The following ZSWIM6 variants were observed in gnomAD, a reference collection of about 807,000 sequenced individuals.
ZSWIM6 encodes the protein zinc finger SWIM domain-containing protein 6.
A neutral mutation model predicts 113.2 loss-of-function variants in ZSWIM6; 9 were observed. The ratio of observed to expected loss-of-function variants is 0.08; its 90% CI spans 0.05 to 0.14. The LOEUF (loss-of-function observed/expected upper bound fraction) is 0.14, where lower values mean the gene tolerates loss of function less well. Ranked by LOEUF, ZSWIM6 falls within the 10% of genes least tolerant of loss-of-function variation. The pLI, the probability that ZSWIM6 is intolerant of heterozygous loss-of-function variation, is 1.00. For synonymous variants in ZSWIM6, 611 were observed against 606.5 expected, an observed-to-expected ratio of 1.01 and a Z score of -0.11; for missense variants, 1,162 against 1,552.2, an observed-to-expected ratio of 0.75 and a Z score of 4.22.
chr5:61,461,098 AT>A (rs1747315048), intron 1 of ZSWIM6, among the ~76,000 whole-genome samples: 1 of 152,096 alleles, frequency 6.6e-6, no homozygotes, highest in Non-Finnish European at 1.5e-5. Context: ...TTTTTAAAAA[AT>A]TTCCCCCCAA....
At chr5:61,350,738 T>C (rs2112038936) in intron 1 of ZSWIM6, among the ~76,000 whole-genome samples, 1 of 152,304 alleles carries the variant, frequency 6.6e-6, no homozygotes, top group South Asian at 2.1e-4. Flanking sequence ...TTAGGAGGCG[T>C]CTTGTCTTAC....
At chr5:61,411,198 T>C (rs1746143231) in intron 1 of ZSWIM6, among the ~76,000 whole-genome samples, 1 of 152,224 alleles carries the variant, frequency 6.6e-6, no homozygotes, top group South Asian at 2.1e-4. Flanking sequence ...CCAAATTAGT[T>C]ATCAGTTCTT....
intron 1 of ZSWIM6, among the ~76,000 whole-genome samples, chr5:61,357,192 C>T (rs1744933464): frequency 6.6e-6 from 1 of 151,974 alleles, no homozygotes; most frequent in Non-Finnish European, 1.5e-5. Flanking sequence ...TCAGGGTCCA[C>T]CCAGGAAAAG....
intron 1 of ZSWIM6, among the ~76,000 whole-genome samples, chr5:61,460,512 G>A (rs552040385): frequency 6.6e-6 from 1 of 152,198 alleles, no homozygotes; most frequent in Non-Finnish European, 1.5e-5. Flanking sequence ...CATAGAACAT[G>A]GCTTCGGAAA....
chr5:61,356,231 TG>T (rs776955629), intron 1 of ZSWIM6, among the ~76,000 whole-genome samples: 1 of 152,204 alleles, frequency 6.6e-6, no homozygotes, highest in Non-Finnish European at 1.5e-5. Flanking sequence ...CCCAAATAGC[TG>T]GGACTACAGG....
chr5:61,426,028 C>T (rs1351034443), intron 1 of ZSWIM6, among the ~76,000 whole-genome samples: 1 of 152,286 alleles, frequency 6.6e-6, no homozygotes, highest in Non-Finnish European at 1.5e-5. Context: ...AAAATGCCTT[C>T]TAGAAGCAGG....
chr5:61,390,959 C>T, intron 1 of ZSWIM6: 1 of 760,930 alleles, frequency 1.3e-6, no homozygotes, highest in Non-Finnish European at 2.4e-6. Context: ...AGGTCATAGT[C>T]AGTGGAGGCA....
At chr5:61,488,812 A>G (rs1561259807) in intron 2 of ZSWIM6, among the ~76,000 whole-genome samples, 1 of 151,528 alleles carries the variant, frequency 6.6e-6, no homozygotes, top group Non-Finnish European at 1.5e-5. Flanking sequence ...TATGTCCTGG[A>G]TATCTTTCCA....
intron 4 of ZSWIM6, among the ~76,000 whole-genome samples, chr5:61,515,591 T>A (rs1748913015): frequency 6.6e-6 from 1 of 152,132 alleles, no homozygotes; most frequent in Admixed American, 6.6e-5. Flanking sequence ...AGAGCACAGC[T>A]TTCATGACCT....
intron 1 of ZSWIM6, among the ~76,000 whole-genome samples, chr5:61,337,346 C>T (rs1178546425): frequency 6.6e-6 from 1 of 152,104 alleles, no homozygotes; most frequent in Non-Finnish European, 1.5e-5. Context: ...TTTTCTTCTA[C>T]CACATTGGTG....
At chr5:61,526,216 G>C (rs1427516107) in intron 6 of ZSWIM6, 34 bp from the exon 7 acceptor site, 1 of 1,524,058 alleles carries the variant, frequency 6.6e-7, no homozygotes, top group African/African-American at 1.4e-5. Context: ...ATATCTGACA[G>C]TGGCAACTTT....
chr5:61,453,410 CTG>C (rs1161501883), intron 1 of ZSWIM6, among the ~76,000 whole-genome samples: 1 of 146,982 alleles, frequency 6.8e-6, no homozygotes, highest in African/African-American at 2.5e-5. Context: ...GGGTCTTACT[CTG>C]TCACCTAGTT....
At chr5:61,522,281 T>C (rs74533307) in intron 5 of ZSWIM6, among the ~76,000 whole-genome samples, 15,872 of 152,134 alleles carry the variant, frequency 0.1, 1,159 homozygotes, top group Admixed American at 0.19. Flanking sequence ...ATAGAAATTT[T>C]ATTAACTAAT....
chr5:61,477,220 C>T (rs995014009), intron 2 of ZSWIM6, among the ~76,000 whole-genome samples: 1 of 152,050 alleles, frequency 6.6e-6, no homozygotes, highest in African/African-American at 2.4e-5. Context: ...GGCCTTGACC[C>T]CAACCTAGAA....
intron 1 of ZSWIM6, among the ~76,000 whole-genome samples, chr5:61,369,053 G>C (rs1205569603): frequency 2.6e-5 from 4 of 152,202 alleles, no homozygotes; most frequent in African/African-American, 9.6e-5. Context: ...ATAATATTTT[G>C]TATGTGATGT....
At chr5:61,535,808 G>C (rs2112283771) in intron 10 of ZSWIM6, among the ~76,000 whole-genome samples, 189 bp downstream of exon 10, 1 of 152,324 alleles carries the variant, frequency 6.6e-6, no homozygotes, top group South Asian at 2.1e-4. Flanking sequence ...TTTAAAGTAA[G>C]GGAAGGGTTA....
intron 1 of ZSWIM6, among the ~76,000 whole-genome samples, chr5:61,407,914 G>T (rs1213853049): frequency 1.3e-5 from 2 of 152,168 alleles, no homozygotes; most frequent in Non-Finnish European, 2.9e-5. Context: ...GAGGGTAAAG[G>T]TACAGTCTCA....
chr5:61,533,638 A>G (rs1006687676), intron 9 of ZSWIM6, among the ~76,000 whole-genome samples: 1 of 152,186 alleles, frequency 6.6e-6, no homozygotes, highest in Non-Finnish European at 1.5e-5. Flanking sequence ...TGTATCCTGG[A>G]TCTCCTGAAT....
At chr5:61,369,062 G>A (rs369569811) in intron 1 of ZSWIM6, among the ~76,000 whole-genome samples, 22 of 152,204 alleles carry the variant, frequency 1.4e-4, no homozygotes, top group South Asian at 2.1e-4. Flanking sequence ...TGTATGTGAT[G>A]TCCTTTTTAA....
Sources: gnomAD v4.1 joint callset for allele counts (sites outside exome capture counted in the v4.1 genomes callset) on GRCh38, gnomAD v4.1.1 for gene constraint, MANE v1.5 for transcripts, NCBI Gene and HGNC (gene_info 2026-07-23, HGNC 2026-07-21) for gene names.